The following LCORL variants were observed in gnomAD, a reference collection of about 807,000 sequenced individuals.
LCORL encodes the protein ligand dependent nuclear receptor corepressor like.
In LCORL, 41 loss-of-function variants were observed where a neutral mutation model predicts 141.8. The ratio of observed to expected loss-of-function variants is 0.29; its 90% CI spans 0.23 to 0.38. The LOEUF (loss-of-function observed/expected upper bound fraction) is 0.38. LCORL is among the 10% of genes least tolerant of loss of function. LCORL has a pLI of 1.00. For missense variants in LCORL, 1,759 were observed against 2,035.0 expected, an observed-to-expected ratio of 0.86 and a Z score of 2.61; for synonymous variants, 618 against 694.1, an observed-to-expected ratio of 0.89 and a Z score of 1.72.
At chr4:17,976,302 C>A (rs1246357279) in intron 1 of LCORL, among the ~76,000 whole-genome samples, 1 of 152,112 alleles carries the variant, frequency 6.6e-6, no homozygotes, top group East Asian at 1.9e-4. Context: ...ATCTAATTTG[C>A]TATTTATTTC....
rs377413249 is a variant in LCORL at position 17,976,052 on chromosome 4, A to G, written c.155-3167T>C. On this transcript the variant is annotated intron_variant, in intron 1 of 7. Coordinates refer to ENST00000635767, the Ensembl canonical transcript of LCORL. Reference sequence around the variant, plus strand: ...AAATGCTCCTCCTTGTCCTTGTTCTATTGTGTCTACTGTTATATCAGCTAC... The same window carrying G: ...AAATGCTCCTCCTTGTCCTTGTTCTGTTGTGTCTACTGTTATATCAGCTAC... Among the ~76,000 whole-genome samples, 18 of 152,130 alleles carry G rather than the reference A, an allele frequency of 1.2e-4. No homozygotes were observed. In the East Asian group the frequency reaches 2.9e-3, roughly 24 times the overall value.
intron 1 of LCORL, among the ~76,000 whole-genome samples, chr4:18,017,256 A>G (rs910678414): frequency 6.6e-6 from 1 of 152,160 alleles, no homozygotes; most frequent in Non-Finnish European, 1.5e-5. Context: ...CTGAATGTCA[A>G]CTAATAATTA....
chr4:17,864,093 CG>C (rs1560264940), intron 7 of LCORL, among the ~76,000 whole-genome samples: 1 of 151,864 alleles, frequency 6.6e-6, no homozygotes, highest in Non-Finnish European at 1.5e-5. Flanking sequence ...AACAAATCCC[CG>C]TGCCATGCTG....
exon 5 of LCORL, chr4:17,909,343 G>GGCC (rs1560325761): frequency 6.4e-7 from 1 of 1,572,360 alleles, no homozygotes; most frequent in South Asian, 1.2e-5. Flanking sequence ...TTCTGAGGAA[G>GGCC]ATCTAGGGAA....
At chr4:17,858,065 A>G (rs1210422046) in intron 7 of LCORL, among the ~76,000 whole-genome samples, 1 of 152,228 alleles carries the variant, frequency 6.6e-6, no homozygotes, top group Non-Finnish European at 1.5e-5. Flanking sequence ...CAGATTGTGA[A>G]ATTGGTACAT....
chr4:17,911,327 A>C (rs1732484306), intron 4 of LCORL, among the ~76,000 whole-genome samples: 1 of 152,102 alleles, frequency 6.6e-6, no homozygotes. Context: ...TTCATGGAAA[A>C]CGCATATTAT....
intron 6 of LCORL, chr4:17,880,926 A>G: frequency 1.0e-6 from 1 of 967,902 alleles, no homozygotes; most frequent in Non-Finnish European, 1.2e-6. Flanking sequence ...TATTAACAAA[A>G]TCTGTCAAAA....
intron 4 of LCORL, among the ~76,000 whole-genome samples, chr4:17,926,422 G>A (rs1013107458): frequency 1.3e-5 from 2 of 152,166 alleles, no homozygotes; most frequent in Non-Finnish European, 2.9e-5. Context: ...TCCTGTGCTG[G>A]AAGCTTCCTG....
chr4:17,888,301 A>C lies in LCORL; in HGVS notation c.683-2140T>G, dbSNP rs960148089. Reference sequence around the variant, plus strand: ...TGAAGAAGCAAAGTACCTGGCACAGAGTATCTCGAAAAATTATTAAATACA... The same window carrying C: ...TGAAGAAGCAAAGTACCTGGCACAGCGTATCTCGAAAAATTATTAAATACA... On this transcript the variant is annotated intron_variant, in intron 5 of 7. Coordinates refer to ENST00000635767, the Ensembl canonical transcript of LCORL. 2.6e-5 allele frequency among the ~76,000 whole-genome samples: 4 copies of C among 152,128 alleles called. No individual in the cohort carries two copies. In the East Asian group the frequency reaches 7.7e-4, roughly 29 times the overall value.
chr4:17,998,316 TA>T, intron 1 of LCORL, among the ~76,000 whole-genome samples: 1 of 152,304 alleles, frequency 6.6e-6, no homozygotes, highest in South Asian at 2.1e-4. Flanking sequence ...CTTTCAAAAA[TA>T]ATCTTAACTT....
intron 4 of LCORL, among the ~76,000 whole-genome samples, chr4:17,933,453 A>G (rs912606407): frequency 2.6e-5 from 4 of 152,038 alleles, no homozygotes; most frequent in Non-Finnish European, 5.9e-5. Flanking sequence ...AGTCAAATCT[A>G]TTCTCCTTTG....
intron 6 of LCORL, chr4:17,880,870 A>C: frequency 1.2e-6 from 1 of 867,310 alleles, no homozygotes; most frequent in South Asian, 5.3e-5. Context: ...ATTATAGTGC[A>C]ATTGATTTAT....
rs188504559 is a variant in LCORL at position 17,923,441 on chromosome 4, T to C, written c.431-14096A>G. On this transcript the variant is annotated intron_variant, in intron 4 of 7. Coordinates refer to ENST00000635767, the Ensembl canonical transcript of LCORL. ...CAGGCGGATAATTTGAGGTCAGGAG[T>C]TCGAGACCAGCCTGGCCAACATGGT... Among the ~76,000 whole-genome samples, 88 of 152,082 alleles carry C rather than the reference T, an allele frequency of 5.8e-4. No homozygotes were observed. In the East Asian group the frequency reaches 9.1e-3, roughly 16 times the overall value.
At chr4:17,990,092 C>T (rs1424318741) in intron 1 of LCORL, among the ~76,000 whole-genome samples, 1 of 148,978 alleles carries the variant, frequency 6.7e-6, no homozygotes, top group Non-Finnish European at 1.5e-5. Flanking sequence ...AGAAAACTCT[C>T]TGCGTTTTTT....
At chr4:17,849,885 G>A (rs113474791) in intron 7 of LCORL, among the ~76,000 whole-genome samples, 31,362 of 150,150 alleles carry the variant, frequency 0.21, 3,852 homozygotes, top group South Asian at 0.35. Context: ...AAATTATACT[G>A]CAAGGCTACA....
At chr4:17,961,967 C>A in exon 4 of LCORL, 1 of 1,610,196 alleles carries the variant, frequency 6.2e-7, no homozygotes, top group Middle Eastern at 1.7e-4. Context: ...CAGTGTTGGA[C>A]TGGCCCTGAG....
At chr4:17,933,379 C>T (rs537210648) in intron 4 of LCORL, among the ~76,000 whole-genome samples, 11 of 152,042 alleles carry the variant, frequency 7.2e-5, no homozygotes, top group African/African-American at 2.2e-4. Context: ...ACCTTTTTAC[C>T]ATTTTATTTC....
exon 7 of LCORL, chr4:17,876,965 A>G: frequency 1.6e-6 from 2 of 1,230,756 alleles, no homozygotes; most frequent in Middle Eastern, 3.1e-4. Context: ...AATTTTGTAA[A>G]GAAGGCCCTT....
intron 4 of LCORL, among the ~76,000 whole-genome samples, chr4:17,956,188 G>C (rs1355146949): frequency 6.6e-6 from 1 of 152,026 alleles, no homozygotes; most frequent in African/African-American, 2.4e-5. Context: ...GAAGAGGAAA[G>C]GCAACTCTTT....
Sources: allele counts gnomAD v4.1 joint callset (sites outside exome capture counted in the v4.1 genomes callset), GRCh38; gene constraint gnomAD v4.1.1; transcripts MANE v1.5; gene names NCBI Gene and HGNC (gene_info 2026-07-23, HGNC 2026-07-21).